The following ITPR2 variants were observed in gnomAD, a reference collection of about 807,000 sequenced individuals.
ITPR2 encodes inositol 1,4,5-trisphosphate receptor type 2.
Under a neutral mutation model 317.1 loss-of-function variants are expected in ITPR2, and 207 were observed. The ratio of observed to expected loss-of-function variants is 0.65; its 90% CI spans 0.58 to 0.73. ITPR2 has a LOEUF of 0.73. Ranked by LOEUF, ITPR2 falls within the 30% of genes least tolerant of loss-of-function variation. ITPR2 has a pLI of 0.00. For synonymous variants in ITPR2, 1,156 were observed against 1,149.1 expected (o/e 1.01, Z -0.12); for missense variants, 2,613 against 3,284.0 (o/e 0.80, Z 4.99).
intron 49 of ITPR2, among the ~76,000 whole-genome samples, chr12:26,425,291 T>G (rs893390494): frequency 6.6e-6 from 1 of 152,162 alleles, no homozygotes; most frequent in African/African-American, 2.4e-5. Flanking sequence ...GATAAAATTT[T>G]TTGTCAATAT....
chr12:26,671,390 A>G (rs1947767828), intron 13 of ITPR2, among the ~76,000 whole-genome samples: 1 of 152,222 alleles, frequency 6.6e-6, no homozygotes, highest in African/African-American at 2.4e-5. Flanking sequence ...GTGGGGGCCA[A>G]TATTCAACAT....
chr12:26,460,715 G>A (rs1440601376), intron 45 of ITPR2, among the ~76,000 whole-genome samples: 2 of 152,148 alleles, frequency 1.3e-5, no homozygotes, highest in Non-Finnish European at 2.9e-5. Context: ...GATATTCTCA[G>A]AGTCTCTGGG....
At chr12:26,685,314 G>C (rs576169654) in intron 11 of ITPR2, among the ~76,000 whole-genome samples, 1 of 152,200 alleles carries the variant, frequency 6.6e-6, no homozygotes, top group Non-Finnish European at 1.5e-5. Context: ...GTCAAATTCA[G>C]CCTGGGCGTG....
Position 26,663,822 on chromosome 12 carries a change from AG to A in ITPR2, c.1575del (p.Phe526LeufsTer11), listed in dbSNP as rs759074824. 6 of 1,612,400 alleles carry A rather than the reference AG, an allele frequency of 3.7e-6. No individual in the cohort carries two copies. The highest frequency in any genetic ancestry group is 5.1e-6 in the Non-Finnish European group (6 of 1,179,584). ...LAQVFGILKA[P>X]FKEKAGEGSM... ...GAGCCTTCTCCTGCTTTCTCTTTAA[AG>A]GGTGCTTTAAGAATTCCAAATACCT... On this transcript the variant is annotated frameshift_variant, in exon 15 of 57. Transcript: ENST00000381340. LOFTEE classifies it high-confidence loss of function.
At chr12:26,383,771 C>T (rs1377102113) in intron 55 of ITPR2, among the ~76,000 whole-genome samples, 1 of 151,658 alleles carries the variant, frequency 6.6e-6, no homozygotes, top group African/African-American at 2.4e-5. Flanking sequence ...GCTGGGATTA[C>T]AGGCGTGAGC....
intron 14 of ITPR2, 120 bp downstream of exon 14, chr12:26,665,790 T>C (rs555433565): frequency 1.2e-6 from 1 of 861,548 alleles, no homozygotes; most frequent in South Asian, 1.8e-5. Context: ...AGTATCTTGT[T>C]TTCAGCCACT....
chr12:26,450,078 G>A (rs1941702251), intron 45 of ITPR2, among the ~76,000 whole-genome samples: 1 of 152,076 alleles, frequency 6.6e-6, no homozygotes, highest in Non-Finnish European at 1.5e-5. Context: ...GGTGATATAA[G>A]CCAACATATG....
chr12:26,506,201 T>G (rs1356399939), intron 37 of ITPR2, among the ~76,000 whole-genome samples: 5 of 114,020 alleles, frequency 4.4e-5, no homozygotes, highest in Non-Finnish European at 6.1e-5. Context: ...AGACCTCTTC[T>G]CTACCAAATT....
intron 55 of ITPR2, among the ~76,000 whole-genome samples, chr12:26,341,285 T>A (rs904507605): frequency 6.6e-6 from 1 of 152,164 alleles, no homozygotes; most frequent in Non-Finnish European, 1.5e-5. Flanking sequence ...ACTCACCTAT[T>A]TCTCTAAATC....
chr12:26,636,051 T>C (rs895069228), intron 21 of ITPR2, among the ~76,000 whole-genome samples: 16 of 152,230 alleles, frequency 1.1e-4, no homozygotes, highest in Admixed American at 1.0e-3. Flanking sequence ...CACAGTATTT[T>C]GGAAAGCTGG....
chr12:26,621,050 G>T, intron 26 of ITPR2, 73 bp downstream of exon 26: 1 of 1,300,532 alleles, frequency 7.7e-7, no homozygotes, highest in South Asian at 1.5e-5. Flanking sequence ...AATTTTGATT[G>T]TAGAGCATGT....
intron 28 of ITPR2, among the ~76,000 whole-genome samples, chr12:26,601,818 C>T (rs988302228): frequency 2.0e-5 from 3 of 152,218 alleles, no homozygotes; most frequent in Non-Finnish European, 2.9e-5. Context: ...TCAAAGTGAA[C>T]ATCATCAGTC....
intron 52 of ITPR2, 84 bp downstream of exon 52, chr12:26,411,236 C>T (rs1479867300): frequency 1.2e-6 from 1 of 841,288 alleles, no homozygotes; most frequent in African/African-American, 1.7e-5. Context: ...ATTTGTAGAG[C>T]AATTCCCTAA....
chr12:26,472,500 AAAC>A, intron 45 of ITPR2, among the ~76,000 whole-genome samples: 1 of 152,118 alleles, frequency 6.6e-6, no homozygotes, highest in African/African-American at 2.4e-5. Flanking sequence ...TTAAAAAAAA[AAAC>A]AACTTCGATA....
In ITPR2 at chr12:26,355,605, G is replaced by A. The variant is rs527490295; in HGVS notation, c.7858-15277C>T. On this transcript the variant is annotated intron_variant, in intron 55 of 56. Transcript: ENST00000381340. ...CATATTTCTTTTGTGAGAGTGGTCCGTACTGGCCACTCCCATTTCATTATT... is the reference window on the plus strand; with the variant it reads ...CATATTTCTTTTGTGAGAGTGGTCCATACTGGCCACTCCCATTTCATTATT... 1.8e-3 allele frequency among the ~76,000 whole-genome samples: 269 copies of A among 152,248 alleles called. 4 individuals carry two copies. The highest frequency in any genetic ancestry group is 1.1e-3 in the Non-Finnish European group (76 of 68,018).
intron 45 of ITPR2, among the ~76,000 whole-genome samples, chr12:26,474,965 CTG>C (rs1438474433): frequency 6.6e-5 from 10 of 152,150 alleles, no homozygotes; most frequent in African/African-American, 2.4e-4. Context: ...ACTTCACACT[CTG>C]TCTCCCCAGT....
intron 2 of ITPR2, among the ~76,000 whole-genome samples, chr12:26,773,404 T>C (rs1296067345): frequency 6.6e-6 from 1 of 152,196 alleles, no homozygotes; most frequent in African/African-American, 2.4e-5. Context: ...AAGGAAGATT[T>C]TTACACATGA....
At chr12:26,711,471 T>C (rs565671361) in intron 8 of ITPR2, among the ~76,000 whole-genome samples, 1 of 152,338 alleles carries the variant, frequency 6.6e-6, no homozygotes, top group South Asian at 2.1e-4. Context: ...AACTCGTGCA[T>C]GCATGACACT....
chr12:26,766,477 A>G (rs1471291430), intron 2 of ITPR2, among the ~76,000 whole-genome samples: 1 of 151,924 alleles, frequency 6.6e-6, no homozygotes, highest in Non-Finnish European at 1.5e-5. Flanking sequence ...TTGTCTTTTT[A>G]TTATCGATTT....
Sources: gnomAD v4.1 joint callset for allele counts (sites outside exome capture counted in the v4.1 genomes callset) on GRCh38, gnomAD v4.1.1 for gene constraint, MANE v1.5 for transcripts, NCBI Gene and HGNC (gene_info 2026-07-23, HGNC 2026-07-21) for gene names.